Variants in SUCLG2 observed in about 807,000 individuals in gnomAD.
SUCLG2 encodes succinate--CoA ligase [GDP-forming] subunit beta, mitochondrial.
Under a neutral mutation model 47.9 loss-of-function variants are expected in SUCLG2, and 42 were observed. The ratio of observed to expected loss-of-function variants is 0.88; its 90% CI spans 0.69 to 1.14. SUCLG2 has a LOEUF of 1.14. Among genes scored for constraint, SUCLG2 ranks in the 50% most tolerant of loss-of-function variants. The probability of loss-of-function intolerance (pLI) is 0.00; values close to 1 mark genes in which losing one functional copy is unlikely to be tolerated. For synonymous variants in SUCLG2, 195 were observed against 197.3 expected, an observed-to-expected ratio of 0.99 and a Z score of 0.10; for missense variants, 571 against 525.9, an observed-to-expected ratio of 1.09 and a Z score of -0.84.
At chr3:67,371,073 T>C (rs1701946954), downstream of SUCLG2, among the ~76,000 whole-genome samples, 4 of 152,226 alleles carry the variant, frequency 2.6e-5, no homozygotes, top group Admixed American at 2.0e-4. Context: ...CATTGTCTGA[T>C]GTTTGAAAAC....
chr3:67,634,857 T>C (rs562419199), intron 1 of SUCLG2, among the ~76,000 whole-genome samples: 2 of 152,222 alleles, frequency 1.3e-5, no homozygotes, highest in Non-Finnish European at 2.9e-5. Flanking sequence ...TTTGAGAATG[T>C]GCACGTGTGT....
At chr3:67,648,641 A>T (rs1179833940) in intron 1 of SUCLG2, among the ~76,000 whole-genome samples, 1 of 152,194 alleles carries the variant, frequency 6.6e-6, no homozygotes, top group African/African-American at 2.4e-5. Flanking sequence ...TGTAAGGGTT[A>T]AAGAAATAAT....
intron 10 of SUCLG2, among the ~76,000 whole-genome samples, chr3:67,388,786 T>C (rs1317228291): frequency 6.7e-6 from 1 of 150,292 alleles, no homozygotes; most frequent in Non-Finnish European, 1.5e-5. Context: ...ACATGGACTA[T>C]TATAGTTATA....
downstream of SUCLG2, among the ~76,000 whole-genome samples, chr3:67,370,693 T>C (rs569104878): frequency 2.0e-5 from 3 of 152,294 alleles, no homozygotes; most frequent in African/African-American, 7.2e-5. Context: ...GGAATAAAAT[T>C]GAACAATTAT....
intron 1 of SUCLG2, among the ~76,000 whole-genome samples, chr3:67,622,448 C>T (rs965427916): frequency 6.6e-6 from 1 of 152,156 alleles, no homozygotes; most frequent in Non-Finnish European, 1.5e-5. Flanking sequence ...CAACAGACTT[C>T]GATTTCATCA....
intron 10 of SUCLG2, among the ~76,000 whole-genome samples, chr3:67,385,316 A>G (rs1293819682): frequency 6.6e-6 from 1 of 152,206 alleles, no homozygotes; most frequent in Non-Finnish European, 1.5e-5. Context: ...AGGGATGACC[A>G]CTGCCTAGAG....
intron 10 of SUCLG2, among the ~76,000 whole-genome samples, chr3:67,368,102 G>A (rs1439007025): frequency 6.6e-6 from 1 of 152,082 alleles, no homozygotes; most frequent in Admixed American, 6.6e-5. Context: ...GTGTGCCTTT[G>A]GTTGGGTATG....
chr3:67,363,364 T>C (rs1701834530), intron 10 of SUCLG2, among the ~76,000 whole-genome samples: 1 of 152,194 alleles, frequency 6.6e-6, no homozygotes, highest in South Asian at 2.1e-4. Flanking sequence ...CTAATACATT[T>C]CTTAACAGCA....
intron 9 of SUCLG2, among the ~76,000 whole-genome samples, chr3:67,411,083 C>T (rs192685408): frequency 6.6e-6 from 1 of 152,072 alleles, no homozygotes; most frequent in African/African-American, 2.4e-5. Context: ...GGTGAAGGAT[C>T]CATTTATTAA....
intron 7 of SUCLG2, among the ~76,000 whole-genome samples, chr3:67,504,021 GACTATCA>G (rs926648834): frequency 6.6e-6 from 1 of 152,164 alleles, no homozygotes; most frequent in African/African-American, 2.4e-5. Context: ...CAGGAAATAA[GACTATCA>G]TAATTAGTTT....
chr3:67,572,608 A>G (rs1035623378), intron 2 of SUCLG2, among the ~76,000 whole-genome samples: 4 of 152,222 alleles, frequency 2.6e-5, no homozygotes, highest in African/African-American at 7.2e-5. Flanking sequence ...AACCCAGAGC[A>G]GTAAGAACAG....
At chr3:67,644,129 CAACA>C (rs1214354217) in intron 1 of SUCLG2, among the ~76,000 whole-genome samples, 16 of 152,170 alleles carry the variant, frequency 1.1e-4, no homozygotes, top group African/African-American at 3.4e-4. Context: ...ACATATGATA[CAACA>C]TTTCTACTCA....
intron 8 of SUCLG2, among the ~76,000 whole-genome samples, chr3:67,496,824 A>G (rs1038325745): frequency 1.3e-5 from 2 of 152,154 alleles, no homozygotes; most frequent in African/African-American, 2.4e-5. Flanking sequence ...AGAACACAGC[A>G]GAAACTCACA....
chr3:67,558,349 T>C (rs955011551), intron 2 of SUCLG2, among the ~76,000 whole-genome samples: 1 of 137,854 alleles, frequency 7.3e-6, no homozygotes, highest in Non-Finnish European at 1.6e-5. Flanking sequence ...AAAAAAAAAA[T>C]ACGGTTTACA....
At chr3:67,501,890 T>C (rs1011979144) in intron 7 of SUCLG2, among the ~76,000 whole-genome samples, 1 of 152,120 alleles carries the variant, frequency 6.6e-6, no homozygotes, top group Non-Finnish European at 1.5e-5. Context: ...TCATTTAAAA[T>C]ATCCTTTATA....
At chr3:67,571,432 G>A (rs1353301423) in intron 2 of SUCLG2, among the ~76,000 whole-genome samples, 1 of 152,144 alleles carries the variant, frequency 6.6e-6, no homozygotes, top group African/African-American at 2.4e-5. Flanking sequence ...AACAACTCTT[G>A]GAGTAGTGAG....
intron 10 of SUCLG2, among the ~76,000 whole-genome samples, chr3:67,395,909 C>G (rs1378276149): frequency 6.6e-6 from 1 of 152,002 alleles, no homozygotes; most frequent in Non-Finnish European, 1.5e-5. Flanking sequence ...AACAACCTGC[C>G]CCTGAATGAC....
At chr3:67,477,835 G>T (rs1321698329) in intron 9 of SUCLG2, among the ~76,000 whole-genome samples, 1 of 152,100 alleles carries the variant, frequency 6.6e-6, no homozygotes, top group Non-Finnish European at 1.5e-5. Context: ...GGTACAGAAT[G>T]AATACTTATT....
In SUCLG2 at chr3:67,375,875, G is replaced by C; in HGVS notation, c.1184-16C>G. ...ACGTTGGTTCCTAGAAGGGGGACAG[G>C]GAACAATCACTGAATGAAACTAGAG... On this transcript the variant is annotated splice_polypyrimidine_tract_variant and intron_variant, in intron 10 of 10. Transcript: ENST00000307227. 1 of 1,610,460 alleles carries C rather than the reference G, an allele frequency of 6.2e-7. No individual in the cohort carries two copies. Among genetic ancestry groups the C allele is most frequent in the East Asian group, 2.2e-5 (1 of 44,812 alleles).
Sources: gnomAD v4.1 joint callset for allele counts (sites outside exome capture counted in the v4.1 genomes callset) on GRCh38, gnomAD v4.1.1 for gene constraint, MANE v1.5 for transcripts, NCBI Gene and HGNC (gene_info 2026-07-23, HGNC 2026-07-21) for gene names.